The following CFAP144 variants were observed in gnomAD, a reference collection of about 807,000 sequenced individuals.
The protein encoded by CFAP144 is cilia and flagella associated protein 144.
the CFAP144 span, chr1:43,148,156 G>T: frequency 2.0e-6 from 3 of 1,512,588 alleles, no homozygotes; most frequent in Non-Finnish European, 1.8e-6. Context: ...CCTCCGGGTT[G>T]CGGGGTGGGA....
chr1:43,156,251 T>G, the CFAP144 span: 1 of 1,614,034 alleles, frequency 6.2e-7, no homozygotes, highest in Non-Finnish European at 8.5e-7. Flanking sequence ...CTTCAGGGTC[T>G]GCAGTGACAT....
chr1:43,147,715 G>C, the CFAP144 span: 1 of 936,394 alleles, frequency 1.1e-6, no homozygotes, highest in Non-Finnish European at 1.3e-6. Flanking sequence ...GCTGGGGCAA[G>C]TGAGTACAGT....
At chr1:43,150,899 A>G in the CFAP144 span, 1 of 1,188,564 alleles carries the variant, frequency 8.4e-7, no homozygotes, top group Non-Finnish European at 1.2e-6. Flanking sequence ...CAGGGTCGTG[A>G]TATCTTGGAG....
chr1:43,145,162 T>C, the CFAP144 span: 1 of 1,037,164 alleles, frequency 9.6e-7, no homozygotes, highest in Non-Finnish European at 1.5e-6. Flanking sequence ...TCAGCCAGCC[T>C]GCATGAGGTT....
chr1:43,151,871 G>T, the CFAP144 span, among the ~76,000 whole-genome samples: 1 of 152,130 alleles, frequency 6.6e-6, no homozygotes, highest in African/African-American at 2.4e-5. Flanking sequence ...TATCTGTAGT[G>T]CACTCTCCTG....
At chr1:43,144,463 A>T in the CFAP144 span, among the ~76,000 whole-genome samples, 2 of 152,192 alleles carry the variant, frequency 1.3e-5, no homozygotes, top group African/African-American at 2.4e-5. Context: ...TGAAAGAATG[A>T]CAAGCAAGCT....
At chr1:43,150,220 G>A in the CFAP144 span, among the ~76,000 whole-genome samples, 1 of 152,182 alleles carries the variant, frequency 6.6e-6, no homozygotes, top group Non-Finnish European at 1.5e-5. Flanking sequence ...GGACACAAGA[G>A]CCAGCTCTGT....
At chr1:43,145,156 C>G in the CFAP144 span, 3 of 976,492 alleles carry the variant, frequency 3.1e-6, no homozygotes, top group South Asian at 4.2e-5. Flanking sequence ...GCCTGGTCAG[C>G]CAGCCTGCAT....
At chr1:43,148,062 T>C in the CFAP144 span, 1 of 1,613,486 alleles carries the variant, frequency 6.2e-7, no homozygotes, top group Non-Finnish European at 8.5e-7. Context: ...ACACGCAGTA[T>C]CACGTGAATC....
the CFAP144 span, among the ~76,000 whole-genome samples, chr1:43,146,692 T>G: frequency 6.6e-6 from 1 of 152,282 alleles, no homozygotes; most frequent in African/African-American, 2.4e-5. Context: ...TGTCCCAGAC[T>G]AAACCCATTC....
At chr1:43,145,238 A>G in the CFAP144 span, 1 of 1,548,612 alleles carries the variant, frequency 6.5e-7, no homozygotes, top group Non-Finnish European at 8.7e-7. Flanking sequence ...CTGCAGGGCC[A>G]TTGACAGAGA....
the CFAP144 span, chr1:43,145,363 A>G: frequency 8.2e-7 from 1 of 1,219,384 alleles, no homozygotes; most frequent in Non-Finnish European, 1.2e-6. Flanking sequence ...CATAGGGCAC[A>G]AGGTCCCTGC....
chr1:43,151,378 T>C, the CFAP144 span, among the ~76,000 whole-genome samples: 2 of 152,180 alleles, frequency 1.3e-5, no homozygotes, highest in East Asian at 1.9e-4. Context: ...AGGGATCTCA[T>C]AGCATAATGA....
chr1:43,149,121 AGCTTAGCACTAT>A, the CFAP144 span, among the ~76,000 whole-genome samples: 1 of 152,148 alleles, frequency 6.6e-6, no homozygotes, highest in South Asian at 2.1e-4. Flanking sequence ...CACCTTTGCT[AGCTTAGCACTAT>A]GCTAGGAGGA....
chr1:43,148,833 A>C, the CFAP144 span, among the ~76,000 whole-genome samples: 1 of 151,964 alleles, frequency 6.6e-6, no homozygotes, highest in African/African-American at 2.4e-5. Context: ...CTCTCCCTCC[A>C]CACACTTAAA....
chr1:43,149,525 T>G, the CFAP144 span, among the ~76,000 whole-genome samples: 1 of 152,246 alleles, frequency 6.6e-6, no homozygotes. Flanking sequence ...CTGTCTTCAC[T>G]TTCCTTCTAA....
chr1:43,153,385 G>A, the CFAP144 span, among the ~76,000 whole-genome samples: 2 of 152,108 alleles, frequency 1.3e-5, no homozygotes, highest in South Asian at 2.1e-4. Context: ...CAAGGCAGGC[G>A]GATCACCTGA....
the CFAP144 span, among the ~76,000 whole-genome samples, chr1:43,154,414 G>A: frequency 5.9e-5 from 5 of 84,328 alleles, no homozygotes; most frequent in South Asian, 3.6e-4. Context: ...ACATATATAC[G>A]CACATATACA....
chr1:43,147,840 C>T, the CFAP144 span: 9 of 1,542,108 alleles, frequency 5.8e-6, no homozygotes, highest in East Asian at 1.2e-4. Flanking sequence ...GCAGCACTAC[C>T]CGAGCGCTGT....
Sources: allele counts gnomAD v4.1 joint callset (sites outside exome capture counted in the v4.1 genomes callset), GRCh38; gene constraint gnomAD v4.1.1; transcripts MANE v1.5; gene names NCBI Gene and HGNC (gene_info 2026-07-23, HGNC 2026-07-21).